Variants in ALDH7A1 observed in about 807,000 individuals in gnomAD.
The protein encoded by ALDH7A1 is alpha-aminoadipic semialdehyde dehydrogenase.
A neutral mutation model predicts 79.9 loss-of-function variants in ALDH7A1; 63 were observed. The observed-to-expected ratio is 0.79, with a 90% CI of 0.64 to 0.97. ALDH7A1 has a LOEUF of 0.97. ALDH7A1 is among the 50% of genes least tolerant of loss of function. The probability of loss-of-function intolerance (pLI) is 0.00; values close to 1 mark genes in which losing one functional copy is unlikely to be tolerated. For missense variants in ALDH7A1, 627 were observed against 665.2 expected, an observed-to-expected ratio of 0.94 and a Z score of 0.63; for synonymous variants, 240 against 231.2, an observed-to-expected ratio of 1.04 and a Z score of -0.34.
intron 5 of ALDH7A1, among the ~76,000 whole-genome samples, chr5:126,580,398 ATTAAC>A (rs1431434318): frequency 2.0e-5 from 3 of 151,990 alleles, no homozygotes; most frequent in African/African-American, 4.8e-5. Flanking sequence ...CGGTGGGCCT[ATTAAC>A]TTTTCTTAGC....
Position 126,582,254 on chromosome 5 carries a change from AC to A in ALDH7A1, c.517+596del, listed in dbSNP as rs1275383225. ...TAGGAGGGAAACTTTTAATCCTTCA[AC>A]CTTTTATTGCTTTCTTATTTTCTGA... On this transcript the variant is annotated intron_variant, in intron 5 of 17. Coordinates refer to ENST00000409134, the MANE Select transcript of ALDH7A1 (RefSeq NM_001182.5). The A allele has an allele frequency of 1.8e-5, 7 of 396,726 alleles. No individual in the cohort carries two copies. The East Asian group carries it at 2.5e-4, about 14-fold the overall frequency. The allele number at this position is 396,726 out of a possible 1,614,324, so 24.6% of individuals were successfully genotyped here.
intron 10 of ALDH7A1, among the ~76,000 whole-genome samples, chr5:126,560,003 G>A (rs1234613525): frequency 6.6e-6 from 1 of 151,688 alleles, no homozygotes; most frequent in African/African-American, 2.4e-5. Flanking sequence ...GGAGTGTAGT[G>A]GCACTACAGC....
intron 3 of ALDH7A1, chr5:126,588,787 A>C (rs1307158797): frequency 6.6e-6 from 1 of 152,240 alleles, no homozygotes; most frequent in Non-Finnish European, 1.5e-5. Flanking sequence ...TCATGCCTGT[A>C]ATCCCAGCAC....
chr5:126,560,446 G>C (rs935493330), intron 10 of ALDH7A1, among the ~76,000 whole-genome samples: 4 of 152,134 alleles, frequency 2.6e-5, no homozygotes, highest in Non-Finnish European at 5.9e-5. Context: ...ACTCCAGCCT[G>C]GGTGACAGAG....
chr5:126,548,381 C>T (rs998534462), intron 16 of ALDH7A1, among the ~76,000 whole-genome samples: 1 of 150,058 alleles, frequency 6.7e-6, no homozygotes, highest in Non-Finnish European at 1.5e-5. Flanking sequence ...AACTCCTGGG[C>T]TTAAGCAATT....
chr5:126,575,448 T>A lies in ALDH7A1; in HGVS notation c.667A>T (p.Thr223Ser), dbSNP rs1341538631. 1 of 1,612,902 alleles carries A rather than the reference T, an allele frequency of 6.2e-7. No individual in the cohort carries two copies. Among genetic ancestry groups the A allele is most frequent in the East Asian group, 2.2e-5 (1 of 44,830 alleles). The change falls in exon 7 of 18, where the codon ACT becomes TCT. Residue 223 changes from threonine to serine, a missense_variant. Thr to Ser is a moderately conservative substitution (Grantham distance 58). Coordinates refer to ENST00000409134, the MANE Select transcript of ALDH7A1 (RefSeq NM_001182.5). The part of the protein sequence containing the change: ...NVCLWKGAPT[T>S]SLISVAVTKI... Reference sequence around the variant, plus strand: ...GTGACAGCCACACTAATGAGGGAAGTGGTTGGAGCTCCTTTCCTTAAGAAG... The same window carrying A: ...GTGACAGCCACACTAATGAGGGAAGAGGTTGGAGCTCCTTTCCTTAAGAAG...
At chr5:126,578,841 G>T (rs1751073784) in intron 5 of ALDH7A1, among the ~76,000 whole-genome samples, 1 of 152,140 alleles carries the variant, frequency 6.6e-6, no homozygotes, top group South Asian at 2.1e-4. Context: ...AACTGGAAAG[G>T]TGGCTGTCCC....
chr5:126,586,054 T>C (rs1000186728), intron 3 of ALDH7A1: 19 of 152,210 alleles, frequency 1.2e-4, no homozygotes, highest in Admixed American at 2.6e-4. Context: ...TGAAAAGCTA[T>C]AATAGAATAA....
intron 7 of ALDH7A1, among the ~76,000 whole-genome samples, chr5:126,573,547 A>C (rs956584790): frequency 4.6e-5 from 7 of 151,920 alleles, no homozygotes; most frequent in Admixed American, 6.6e-5. Flanking sequence ...AAATACAAAA[A>C]ATTAGCCGGG....
At chr5:126,561,503 TGTGTGTGTGTACGTGTGC>T (rs757531307) in intron 9 of ALDH7A1, 43 of 157,232 alleles carry the variant, frequency 2.7e-4, no homozygotes, top group Non-Finnish European at 4.5e-4. Flanking sequence ...TGTGTGTGTG[TGTGTGTGTGTACGTGTGC>T]GTGCACGCGC....
chr5:126,577,780 G>A (rs1442219354), intron 5 of ALDH7A1, among the ~76,000 whole-genome samples: 2 of 151,722 alleles, frequency 1.3e-5, no homozygotes, highest in Non-Finnish European at 2.9e-5. Context: ...TGCCCAGGCT[G>A]GTCTCAAACT....
At chr5:126,582,027 A>C (rs1396445587) in intron 5 of ALDH7A1, 2 of 397,946 alleles carry the variant, frequency 5.0e-6, no homozygotes, top group Non-Finnish European at 8.9e-6. Flanking sequence ...TACGTGCTCT[A>C]AAAAGATACA....
At chr5:126,557,843 G>C (rs766808822) in intron 11 of ALDH7A1, among the ~76,000 whole-genome samples, 9 of 151,540 alleles carry the variant, frequency 5.9e-5, no homozygotes, top group Non-Finnish European at 1.3e-4. Flanking sequence ...TTTTTTAAAT[G>C]GCAAATGCAG....
chr5:126,549,348 TA>T (rs1267101233), intron 16 of ALDH7A1, among the ~76,000 whole-genome samples: 1 of 151,988 alleles, frequency 6.6e-6, no homozygotes, highest in Non-Finnish European at 1.5e-5. Context: ...CTTCTATATT[TA>T]AAAAAAACAA....
chr5:126,552,515 C>G (rs1750035201), intron 13 of ALDH7A1, among the ~76,000 whole-genome samples: 2 of 152,138 alleles, frequency 1.3e-5, no homozygotes, highest in African/African-American at 4.8e-5. Flanking sequence ...ACCTCAGCCT[C>G]CCAAGTAACT....
intron 7 of ALDH7A1, among the ~76,000 whole-genome samples, chr5:126,573,084 A>G (rs1750831087): frequency 6.6e-6 from 1 of 150,458 alleles, no homozygotes; most frequent in Non-Finnish European, 1.5e-5. Context: ...AAACTCTTAC[A>G]TGAACATTTC....
intron 4 of ALDH7A1, among the ~76,000 whole-genome samples, chr5:126,583,504 A>AAAT (rs940564037): frequency 6.7e-6 from 1 of 149,724 alleles, no homozygotes; most frequent in African/African-American, 2.4e-5. Context: ...ATAAATAAAT[A>AAAT]AATAATAAAA....
intron 3 of ALDH7A1, chr5:126,586,432 G>C (rs1751361242): frequency 6.6e-6 from 1 of 152,178 alleles, no homozygotes; most frequent in African/African-American, 2.4e-5. Context: ...ATTTTATTCA[G>C]TCAGTCTTTC....
At chr5:126,581,717 C>T (rs112877339) in intron 5 of ALDH7A1, 1,702 of 162,344 alleles carry the variant, frequency 0.01, 14 homozygotes, top group Non-Finnish European at 0.017. Flanking sequence ...CAGTGGCTCA[C>T]GCCTGTAATC....
Sources: gnomAD v4.1 joint callset for allele counts (sites outside exome capture counted in the v4.1 genomes callset) on GRCh38, gnomAD v4.1.1 for gene constraint, MANE v1.5 for transcripts, NCBI Gene and HGNC (gene_info 2026-07-23, HGNC 2026-07-21) for gene names.